The following IBSP variants were observed in gnomAD, a reference collection of about 807,000 sequenced individuals.
The protein encoded by IBSP is integrin binding sialoprotein, also known as integrin-binding sialoprotein.
In IBSP, 19 loss-of-function variants were observed where a neutral mutation model predicts 25.5. The observed-to-expected ratio is 0.74, with a 90% CI of 0.52 to 1.09. The LOEUF (loss-of-function observed/expected upper bound fraction) is 1.09. IBSP is among the 50% of genes least tolerant of loss of function. IBSP has a pLI of 0.00. For synonymous variants in IBSP, 144 were observed against 137.6 expected, an observed-to-expected ratio of 1.05 and a Z score of -0.33; for missense variants, 360 against 382.3, an observed-to-expected ratio of 0.94 and a Z score of 0.49.
At chr4:87,804,671 G>C (rs993038275) in intron 4 of IBSP, among the ~76,000 whole-genome samples, 3 of 152,118 alleles carry the variant, frequency 2.0e-5, no homozygotes, top group African/African-American at 7.2e-5. Flanking sequence ...ACAAATGAAA[G>C]ACTTCTTGGA....
Position 87,802,570 on chromosome 4 carries a change from T to C in IBSP, c.105+12T>C, listed in dbSNP as rs376940679. On this transcript the variant is annotated intron_variant, in intron 3 of 6. Coordinates refer to ENST00000226284, the MANE Select transcript of IBSP (RefSeq NM_004967.4). ...CTGAAGAAAATGGGGTAATTAATTT[T>C]AGCATACTTCCTTGGCCTGATTATA... 6.2e-7 allele frequency: 1 copy of C among 1,600,718 alleles called. No individual in the cohort carries two copies. The highest frequency in any genetic ancestry group is 1.3e-5 in the African/African-American group (1 of 74,220).
intron 5 of IBSP, among the ~76,000 whole-genome samples, chr4:87,809,434 G>A (rs538595593): frequency 1.3e-5 from 2 of 152,180 alleles, no homozygotes; most frequent in East Asian, 3.9e-4. Flanking sequence ...TTCTACTCTG[G>A]GGATCTTTCT....
rs1393066342 is a variant in IBSP, at chr4:87,811,828, G to A, written c.872G>A (p.Arg291Gln). ...GGGGAACCTCGTGGGGACAATTACC[G>A]AGCCTATGAAGATGAGTACAGCTAC... ...ENGEPRGDNYRAYEDEYSYFK... is the reference protein window; with the variant it reads ...ENGEPRGDNYQAYEDEYSYFK... Residue 291 changes from arginine (R) to glutamine (Q), a missense_variant, in exon 7 of 7, where the codon CGA (arginine) becomes CAA (glutamine). Physicochemically the swap from Arg to Gln is conservative, Grantham distance 43 (BLOSUM62 1). Transcript: ENST00000226284. 7 of 1,607,558 alleles carry A rather than the reference G, an allele frequency of 4.4e-6. No individual in the cohort carries two copies. The highest frequency in any genetic ancestry group is 5.1e-6 in the Non-Finnish European group (6 of 1,176,938).
chr4:87,801,890 G>T (rs1722021973), intron 1 of IBSP, among the ~76,000 whole-genome samples: 1 of 152,086 alleles, frequency 6.6e-6, no homozygotes, highest in African/African-American at 2.4e-5. Flanking sequence ...GCCCACCTTG[G>T]CCTCCCAAAG....
chr4:87,805,406 C>T (rs1027767417), intron 4 of IBSP, among the ~76,000 whole-genome samples: 1 of 152,166 alleles, frequency 6.6e-6, no homozygotes, highest in African/African-American at 2.4e-5. Flanking sequence ...TTACTCTACA[C>T]AACCTCCCAA....
chr4:87,802,332 A>G lies in IBSP; in HGVS notation c.-14-16A>G. 6.5e-7 allele frequency: 1 copy of G among 1,534,494 alleles called. No homozygotes were observed. Among genetic ancestry groups the G allele is most frequent in the East Asian group, 2.3e-5 (1 of 44,308 alleles). ...GTTTTAATATTTTATTAACCTTACC[A>G]CTTCATTAATTCCAGAAGCAATCAC... On this transcript the variant is annotated splice_polypyrimidine_tract_variant and intron_variant, in intron 1 of 6. Coordinates refer to ENST00000226284, the MANE Select transcript of IBSP (RefSeq NM_004967.4).
rs780119905 is a variant in IBSP at position 87,811,547 on chromosome 4, T to C, written c.591T>C (p.Asn197=). The C allele has an allele frequency of 2.5e-6, 4 of 1,612,274 alleles. No individual in the cohort carries two copies. The highest frequency in any genetic ancestry group is 2.5e-6 in the Non-Finnish European group (3 of 1,179,534). ...ENGNGSSGGD[N]GEEGEEESVT... ...GCAACGGCAGCAGCGGAGGAGACAA[T>C]GGAGAAGAAGGGGAAGAAGAAAGTG... The change falls in exon 7 of 7, where the codon AAT becomes AAC. Residue 197 remains asparagine, a synonymous_variant. Coordinates refer to ENST00000226284, the MANE Select transcript of IBSP (RefSeq NM_004967.4).
rs372797724 is a variant in IBSP, at chr4:87,802,524, G to A, written c.71G>A (p.Arg24Gln). Residue 24 changes from arginine (R) to glutamine (Q), a missense_variant, in exon 3 of 7, where the codon CGA (arginine) becomes CAA (glutamine). Transcript: ENST00000226284. ...TTAAAACAGATGAAAAATTTGCATC[G>A]AAGAGTCAAAATAGAGGATTCTGAA... The part of the protein sequence containing the change: ...ACAFSMKNLH[R>Q]RVKIEDSEEN... 20 of 1,605,668 alleles carry A rather than the reference G, an allele frequency of 1.2e-5. No individual in the cohort carries two copies. The highest frequency in any genetic ancestry group is 5.4e-5 in the African/African-American group (4 of 74,472).
chr4:87,800,414 T>G (rs1012491575), intron 1 of IBSP, among the ~76,000 whole-genome samples: 1 of 152,228 alleles, frequency 6.6e-6, no homozygotes, highest in Non-Finnish European at 1.5e-5. Flanking sequence ...TCTATAATTC[T>G]ATGTATCTAA....
chr4:87,802,722 T>A lies in IBSP; in HGVS notation c.174T>A (p.Phe58Leu). 1 of 1,542,370 alleles carries A rather than the reference T, an allele frequency of 6.5e-7. No individual in the cohort carries two copies. The highest frequency in any genetic ancestry group is 2.3e-5 in the East Asian group (1 of 43,210). Reference sequence around the variant, plus strand: ...ACTTTTATCCTCATTTAAAACGATTTCCAGTTCAGGTAAATATAGAAATTC... The same window carrying A: ...ACTTTTATCCTCATTTAAAACGATTACCAGTTCAGGTAAATATAGAAATTC... ...HAYFYPHLKRFPVQGSSDSSE... is the reference protein window; with the variant it reads ...HAYFYPHLKRLPVQGSSDSSE... The change falls in exon 4 of 7, where the codon TTT becomes TTA. Residue 58 changes from phenylalanine (F) to leucine (L), a missense_variant. By Grantham distance (22) the Phe-to-Leu change is conservative (BLOSUM62 0). Coordinates refer to ENST00000226284, the MANE Select transcript of IBSP (RefSeq NM_004967.4).
intron 6 of IBSP, among the ~76,000 whole-genome samples, chr4:87,811,131 C>T (rs576258199): frequency 3.9e-4 from 60 of 152,178 alleles, no homozygotes; most frequent in African/African-American, 1.3e-3. Context: ...AAGACTCTCC[C>T]CCAGGAAAGG....
At chr4:87,808,185 T>A (rs1450701660) in intron 5 of IBSP, among the ~76,000 whole-genome samples, 1 of 132,616 alleles carries the variant, frequency 7.5e-6, no homozygotes, top group Non-Finnish European at 1.6e-5. Context: ...TAAAATAAAC[T>A]TTTTTTTTTT....
At chr4:87,808,632 C>G (rs1303583213) in intron 5 of IBSP, among the ~76,000 whole-genome samples, 1 of 152,138 alleles carries the variant, frequency 6.6e-6, no homozygotes, top group Non-Finnish European at 1.5e-5. Flanking sequence ...TAACAAACCC[C>G]TACCAAAGGC....
intron 5 of IBSP, among the ~76,000 whole-genome samples, chr4:87,808,192 T>A (rs1468415427): frequency 6.6e-6 from 1 of 152,028 alleles, no homozygotes; most frequent in Non-Finnish European, 1.5e-5. Flanking sequence ...AACTTTTTTT[T>A]TTTTTTTGAG....
At position 87,802,377 on chromosome 4, in the gene IBSP, AT is replaced by A; in HGVS notation, c.20del (p.Leu7CysfsTer13). On this transcript the variant is annotated frameshift_variant, in exon 2 of 7. Transcript: ENST00000226284. LOFTEE classifies it high-confidence loss of function. The part of the protein sequence containing the change: MKTAL[I>X]LLSILGMACA... ...AATCACCAAAATGAAGACTGCTTTA[AT>A]TTTGCTCAGCATTTTGGGAATGGCC... The A allele has an allele frequency of 1.2e-6, 2 of 1,610,588 alleles. No homozygotes were observed. The highest frequency in any genetic ancestry group is 8.5e-7 in the Non-Finnish European group (1 of 1,178,602).
intron 5 of IBSP, 144 bp from the exon 6 acceptor site, chr4:87,810,462 A>T: frequency 1.6e-6 from 1 of 633,856 alleles, no homozygotes; most frequent in Non-Finnish European, 2.8e-6. Context: ...GGCATAGGGG[A>T]AGGCAGGCTT....
At chr4:87,809,333 T>A (rs1415959205) in intron 5 of IBSP, among the ~76,000 whole-genome samples, 1 of 152,214 alleles carries the variant, frequency 6.6e-6, no homozygotes, top group East Asian at 1.9e-4. Context: ...GGGCCTTTAG[T>A]TGTGACCCTA....
At position 87,810,474 on chromosome 4, in the gene IBSP, G is replaced by A; in HGVS notation, c.247-132G>A. The A allele has an allele frequency of 8.9e-6, 6 of 676,416 alleles. No individual in the cohort carries two copies. In the Admixed American group the frequency reaches 1.1e-4, roughly 12 times the overall value. The allele number at this position is 676,416 out of a possible 1,614,324, so 41.9% of individuals were successfully genotyped here. On this transcript the variant is annotated intron_variant, in intron 5 of 6. Coordinates refer to ENST00000226284, the MANE Select transcript of IBSP (RefSeq NM_004967.4). ...AATGGCATAGGGGAAGGCAGGCTTT[G>A]AGTGATCAGCCAGCTGAGGGATGCA...
intron 5 of IBSP, among the ~76,000 whole-genome samples, chr4:87,807,042 G>A (rs922843509): frequency 2.0e-4 from 31 of 151,856 alleles, no homozygotes; most frequent in African/African-American, 6.8e-4. Flanking sequence ...AAAATCATAC[G>A]TCTTTTTGGG....
Sources: gnomAD v4.1 joint callset for allele counts (sites outside exome capture counted in the v4.1 genomes callset) on GRCh38, gnomAD v4.1.1 for gene constraint, MANE v1.5 for transcripts, NCBI Gene and HGNC (gene_info 2026-07-23, HGNC 2026-07-21) for gene names.